L3MBTL3: variants seen among roughly 807,000 people sequenced by gnomAD.
L3MBTL3 encodes L3MBTL histone methyl-lysine binding protein 3, also known as lethal(3)malignant brain tumor-like protein 3.
Under a neutral mutation model 102.3 loss-of-function variants are expected in L3MBTL3, and 27 were observed. That is an observed-to-expected ratio of 0.26 (90% CI 0.19 to 0.36). The LOEUF (loss-of-function observed/expected upper bound fraction) is 0.36, where lower values mean the gene tolerates loss of function less well. L3MBTL3 is among the 10% of genes least tolerant of loss of function. L3MBTL3 has a pLI of 1.00. For missense variants in L3MBTL3, 798 were observed against 955.3 expected, an observed-to-expected ratio of 0.84 and a Z score of 2.17; for synonymous variants, 340 against 320.9, an observed-to-expected ratio of 1.06 and a Z score of -0.64.
intron 16 of L3MBTL3, among the ~76,000 whole-genome samples, chr6:130,089,977 A>T (rs564651892): frequency 6.6e-6 from 1 of 152,224 alleles, no homozygotes; most frequent in Non-Finnish European, 1.5e-5. Flanking sequence ...TGTGGGTGGA[A>T]ATACTCTAAG....
chr6:130,133,723 A>G lies in L3MBTL3; in HGVS notation c.2136+102A>G. On this transcript the variant is annotated intron_variant, in intron 21 of 22. Coordinates refer to ENST00000361794, the MANE Select transcript of L3MBTL3 (RefSeq NM_032438.4). The surrounding 1 kb of genome is among the most constrained non-coding windows in gnomAD (Gnocchi z 4.9). ...GTAGCGTTTAGTCTTTTTTTTTCTGAAAGAGAAGAAATTATTGTGAGAGAA... is the reference window on the plus strand; with the variant it reads ...GTAGCGTTTAGTCTTTTTTTTTCTGGAAGAGAAGAAATTATTGTGAGAGAA... The G allele has an allele frequency of 6.7e-7, 1 of 1,487,326 alleles. No individual in the cohort carries two copies. Among genetic ancestry groups the G allele is most frequent in the Non-Finnish European group, 9.2e-7 (1 of 1,085,842 alleles). The allele number at this position is 1,487,326 out of a possible 1,614,324, so 92.1% of individuals were successfully genotyped here.
intron 14 of L3MBTL3, among the ~76,000 whole-genome samples, chr6:130,079,487 CAG>C (rs1295217771): frequency 6.6e-6 from 1 of 152,138 alleles, no homozygotes; most frequent in African/African-American, 2.4e-5. Context: ...ATAATCAAGA[CAG>C]TGTATTTGTG....
At chr6:130,040,909 CATTT>C (rs1431507767) in intron 2 of L3MBTL3, among the ~76,000 whole-genome samples, 1 of 152,114 alleles carries the variant, frequency 6.6e-6, no homozygotes, top group African/African-American at 2.4e-5. Context: ...GTGAAATTGA[CATTT>C]ATTTACTGTG....
chr6:130,118,601 T>A (rs2115473452), intron 19 of L3MBTL3, among the ~76,000 whole-genome samples: 1 of 152,340 alleles, frequency 6.6e-6, no homozygotes, highest in East Asian at 1.9e-4. Flanking sequence ...GCAGAATCAA[T>A]ACATTAACCT....
chr6:130,076,626 AG>A (rs1176010567), intron 13 of L3MBTL3, among the ~76,000 whole-genome samples: 1 of 152,192 alleles, frequency 6.6e-6, no homozygotes, highest in East Asian at 1.9e-4. Flanking sequence ...CCCAGAAGAA[AG>A]GAAGAGTACA....
chr6:130,070,187 ATATAC>A (rs1251872725), intron 12 of L3MBTL3, among the ~76,000 whole-genome samples: 1 of 152,132 alleles, frequency 6.6e-6, no homozygotes, highest in Non-Finnish European at 1.5e-5. Context: ...TGGTATCTAG[ATATAC>A]TAGTCTATAA....
intron 2 of L3MBTL3, among the ~76,000 whole-genome samples, chr6:130,025,635 C>T (rs1380791964): frequency 6.6e-6 from 1 of 152,076 alleles, no homozygotes; most frequent in Non-Finnish European, 1.5e-5. Context: ...GAACTTTCCT[C>T]ATAAACTGTA....
intron 1 of L3MBTL3, among the ~76,000 whole-genome samples, chr6:130,020,066 G>A (rs968904709): frequency 2.0e-5 from 3 of 149,170 alleles, no homozygotes; most frequent in African/African-American, 7.3e-5. Flanking sequence ...TGCTTTTCCT[G>A]CAACTTGTTT....
At chr6:130,085,874 T>TC (rs1046206940) in intron 15 of L3MBTL3, among the ~76,000 whole-genome samples, 25 of 152,130 alleles carry the variant, frequency 1.6e-4, no homozygotes, top group African/African-American at 5.8e-4. Flanking sequence ...TGCCTCAGCC[T>TC]CCCGAGTAGC....
intron 18 of L3MBTL3, among the ~76,000 whole-genome samples, chr6:130,098,155 A>C (rs1784468001): frequency 6.6e-6 from 1 of 152,236 alleles, no homozygotes; most frequent in South Asian, 2.1e-4. Context: ...AAATTAAACA[A>C]GAAAAGAGAA....
intron 13 of L3MBTL3, among the ~76,000 whole-genome samples, chr6:130,071,926 A>G (rs1782661404): frequency 6.6e-6 from 1 of 152,116 alleles, no homozygotes; most frequent in African/African-American, 2.4e-5. Flanking sequence ...TTTTACTTGC[A>G]TTGTTTAAAA....
intron 15 of L3MBTL3, among the ~76,000 whole-genome samples, chr6:130,084,717 C>T (rs1448183365): frequency 6.6e-6 from 1 of 152,210 alleles, no homozygotes; most frequent in East Asian, 1.9e-4. Context: ...ACAGATCAGC[C>T]TACATGTCTA....
Position 130,068,436 on chromosome 6 carries a change from A to G in L3MBTL3, c.1092+15A>G. On this transcript the variant is annotated intron_variant, in intron 12 of 22. Coordinates refer to ENST00000361794, the MANE Select transcript of L3MBTL3 (RefSeq NM_032438.4). ...ATCAGAATATAGTAAGTACATACGA[A>G]ACACGTTTTCTTTCAAAGGAAGAAG... 7.0e-7 allele frequency: 1 copy of G among 1,423,248 alleles called. No homozygotes were observed. Among genetic ancestry groups the G allele is most frequent in the Non-Finnish European group, 9.9e-7 (1 of 1,007,826 alleles). The allele number at this position is 1,423,248 out of a possible 1,614,324, so 88.2% of individuals were successfully genotyped here.
chr6:130,131,483 T>C (rs908593158), intron 20 of L3MBTL3, among the ~76,000 whole-genome samples: 32 of 152,180 alleles, frequency 2.1e-4, no homozygotes, highest in Non-Finnish European at 3.7e-4. Flanking sequence ...CTTTGGTATA[T>C]GTGCAATGGA....
intron 2 of L3MBTL3, among the ~76,000 whole-genome samples, chr6:130,037,283 G>A (rs6899976): frequency 0.57 from 86,388 of 151,988 alleles, 28,199 homozygotes; most frequent in East Asian, 0.76. Flanking sequence ...TCCTTAAAGT[G>A]TACTTGCCAA....
intron 14 of L3MBTL3, among the ~76,000 whole-genome samples, chr6:130,082,762 C>T (rs1783444009): frequency 6.6e-6 from 1 of 152,104 alleles, no homozygotes; most frequent in Non-Finnish European, 1.5e-5. Context: ...GTTTCCAGGC[C>T]TTTAAGCTGA....
At position 130,043,429 on chromosome 6, in the gene L3MBTL3, C is replaced by A. The variant is rs548312751; in HGVS notation, c.102+628C>A. On this transcript the variant is annotated intron_variant, in intron 3 of 22. Transcript: ENST00000361794. ...TTGCCCTGCCTCCTTTTCCCAGTAA[C>A]CCCAAACCTATTCCAGGACCACTTC... Among the ~76,000 whole-genome samples the A allele has an allele frequency of 1.4e-3, 215 of 152,150 alleles. 2 individuals are homozygous for A. The highest frequency in any genetic ancestry group is 1.6e-3 in the Non-Finnish European group (109 of 68,022).
intron 17 of L3MBTL3, 147 bp downstream of exon 17, chr6:130,093,006 AC>A: frequency 2.0e-6 from 1 of 497,428 alleles, no homozygotes; most frequent in Non-Finnish European, 3.5e-6. Flanking sequence ...CATTTTAATT[AC>A]CACGGTCACA....
In L3MBTL3 at chr6:130,049,387, C is replaced by A; in HGVS notation, c.208C>A (p.Gln70Lys). Residue 70 changes from glutamine (Q) to lysine (K), a missense_variant, in exon 4 of 23, where the codon CAA (glutamine) becomes AAA (lysine). Gln to Lys is a moderately conservative substitution (Grantham distance 53, BLOSUM62 1). Coordinates refer to ENST00000361794, the MANE Select transcript of L3MBTL3 (RefSeq NM_032438.4). ...CACCACTTGGATGGTACCAACTGCT[C>A]AAGAAGGTAAGGATGGGTCATCTGC... ...ATTTWMVPTA[Q>K]EAPTSPPSSR... The A allele has an allele frequency of 6.3e-7, 1 of 1,578,978 alleles. No individual in the cohort carries two copies. Among genetic ancestry groups the A allele is most frequent in the Non-Finnish European group, 8.7e-7 (1 of 1,150,896 alleles).
Sources: allele counts gnomAD v4.1 joint callset (sites outside exome capture counted in the v4.1 genomes callset), GRCh38; gene constraint gnomAD v4.1.1; non-coding constraint Gnocchi (gnomAD v3.1); transcripts MANE v1.5; gene names NCBI Gene and HGNC (gene_info 2026-07-23, HGNC 2026-07-21).